HTR1F: variants seen among roughly 807,000 people sequenced by gnomAD.
HTR1F encodes the protein 5-hydroxytryptamine (serotonin) receptor 1F, G protein-coupled.
HTR1F carries 17 observed loss-of-function variants against 24.0 expected under a neutral mutation model. That is an observed-to-expected ratio of 0.71 (90% CI 0.48 to 1.06). HTR1F has a LOEUF of 1.06. Ranked by LOEUF, HTR1F falls within the 50% of genes least tolerant of loss-of-function variation. HTR1F has a pLI of 0.00. For synonymous variants in HTR1F, 186 were observed against 156.8 expected (o/e 1.19, Z -1.39); for missense variants, 391 against 427.8 (o/e 0.91, Z 0.76).
chr3:87,865,119 A>G (rs1329762974), intron 2 of HTR1F, among the ~76,000 whole-genome samples: 1 of 152,106 alleles, frequency 6.6e-6, no homozygotes, highest in Non-Finnish European at 1.5e-5. Context: ...TTAGTCATAC[A>G]GAAGCCTTGA....
At chr3:87,957,506 T>C (rs1479712722) in intron 2 of HTR1F, among the ~76,000 whole-genome samples, 1 of 151,508 alleles carries the variant, frequency 6.6e-6, no homozygotes, top group South Asian at 2.1e-4. Context: ...TTCTATTTAC[T>C]CAAGGCATTT....
At chr3:87,990,586 T>C in intron 2 of HTR1F, 122 bp from the exon 3 acceptor site, 1 of 546,818 alleles carries the variant, frequency 1.8e-6, no homozygotes, top group South Asian at 3.2e-5. Context: ...CTGAACCTCA[T>C]TTTTTTAATC....
At chr3:87,808,237 C>T (rs1704104776) in intron 1 of HTR1F, among the ~76,000 whole-genome samples, 1 of 151,892 alleles carries the variant, frequency 6.6e-6, no homozygotes, top group South Asian at 2.1e-4. Flanking sequence ...GCAGTGAAAC[C>T]ATTAGGTCCT....
At chr3:87,828,696 C>T (rs536230747) in intron 2 of HTR1F, among the ~76,000 whole-genome samples, 1 of 152,230 alleles carries the variant, frequency 6.6e-6, no homozygotes, top group African/African-American at 2.4e-5. Flanking sequence ...TTTTAAATGA[C>T]ATATATCTTC....
intron 2 of HTR1F, among the ~76,000 whole-genome samples, chr3:87,849,563 A>G (rs375249522): frequency 6.6e-6 from 1 of 151,848 alleles, no homozygotes; most frequent in Non-Finnish European, 1.5e-5. Flanking sequence ...GACTTCATGT[A>G]TAAAACACCA....
At chr3:87,862,368 C>T (rs1705335974) in intron 2 of HTR1F, among the ~76,000 whole-genome samples, 1 of 152,146 alleles carries the variant, frequency 6.6e-6, no homozygotes. Context: ...AACAATCCAC[C>T]CTCTGGGATC....
chr3:87,836,383 TG>T (rs1252987564), intron 2 of HTR1F, among the ~76,000 whole-genome samples: 12 of 152,216 alleles, frequency 7.9e-5, no homozygotes, highest in African/African-American at 2.9e-4. Flanking sequence ...CATATAATAA[TG>T]TGTCCTAGTA....
chr3:87,795,483 CTCT>C (rs1703888630), intron 1 of HTR1F, among the ~76,000 whole-genome samples: 1 of 152,110 alleles, frequency 6.6e-6, no homozygotes, highest in Non-Finnish European at 1.5e-5. Context: ...TGGCAGGATT[CTCT>C]TTTTTTTCCA....
chr3:87,889,245 C>T (rs112458147), intron 2 of HTR1F, among the ~76,000 whole-genome samples: 1 of 152,078 alleles, frequency 6.6e-6, no homozygotes, highest in Non-Finnish European at 1.5e-5. Context: ...GTTAAATAAA[C>T]CTCTCTTATT....
chr3:87,880,682 A>G (rs1389722095), intron 2 of HTR1F, among the ~76,000 whole-genome samples: 1 of 149,200 alleles, frequency 6.7e-6, no homozygotes, highest in African/African-American at 2.5e-5. Flanking sequence ...GTGTGTATTG[A>G]TGAGTATGTC....
chr3:87,894,841 A>T (rs1402160931), intron 2 of HTR1F, among the ~76,000 whole-genome samples: 1 of 152,094 alleles, frequency 6.6e-6, no homozygotes, highest in East Asian at 1.9e-4. Flanking sequence ...GAGAAAAGCC[A>T]CTAGCAAATA....
chr3:87,873,474 A>C (rs1705604764), intron 2 of HTR1F, among the ~76,000 whole-genome samples: 1 of 152,164 alleles, frequency 6.6e-6, no homozygotes, highest in African/African-American at 2.4e-5. Flanking sequence ...TCTATTCAAG[A>C]TATAATGTAT....
In HTR1F at chr3:87,976,677, T is replaced by C. The variant is rs545618325; in HGVS notation, c.-42-14031T>C. ...GCTATTGTCACCCCTGATTTTGAGA[T>C]AGACCTTGTCCAACCCAATATTTTT... On this transcript the variant is annotated intron_variant, in intron 2 of 2. Transcript: ENST00000319595. Among the ~76,000 whole-genome samples, 30 of 152,380 alleles carry C rather than the reference T, an allele frequency of 2.0e-4. No homozygotes were observed. The East Asian group carries it at 3.5e-3, about 18-fold the overall frequency.
At chr3:87,961,054 A>G (rs1348494462) in intron 2 of HTR1F, among the ~76,000 whole-genome samples, 1 of 151,968 alleles carries the variant, frequency 6.6e-6, no homozygotes, top group Non-Finnish European at 1.5e-5. Context: ...CAAATAAAGT[A>G]GGGAAAAGCA....
intron 2 of HTR1F, among the ~76,000 whole-genome samples, chr3:87,843,263 C>A (rs553103151): frequency 1.3e-5 from 2 of 151,994 alleles, no homozygotes; most frequent in South Asian, 4.2e-4. Context: ...ATTATTTTAA[C>A]TGTATTTTAG....
chr3:87,923,122 T>A (rs182310141), intron 2 of HTR1F, among the ~76,000 whole-genome samples: 90 of 152,232 alleles, frequency 5.9e-4, no homozygotes, highest in Admixed American at 2.0e-3. Context: ...CATTGGTCTA[T>A]GTATCTTTTA....
At chr3:87,859,091 G>T (rs528585905) in intron 2 of HTR1F, among the ~76,000 whole-genome samples, 1 of 152,158 alleles carries the variant, frequency 6.6e-6, no homozygotes, top group African/African-American at 2.4e-5. Context: ...CAGCCTACTT[G>T]GGAGGCTGAG....
intron 2 of HTR1F, among the ~76,000 whole-genome samples, chr3:87,906,007 G>C (rs991441578): frequency 6.6e-6 from 1 of 152,064 alleles, no homozygotes; most frequent in Non-Finnish European, 1.5e-5. Context: ...TCTTGACCTG[G>C]ATGATTGTTA....
intron 2 of HTR1F, among the ~76,000 whole-genome samples, chr3:87,926,833 C>G (rs771752193): frequency 1.3e-5 from 2 of 152,102 alleles, no homozygotes; most frequent in Non-Finnish European, 2.9e-5. Context: ...GCAATCAGGA[C>G]GACACGGTGA....
Sources: gnomAD v4.1 joint callset for allele counts (sites outside exome capture counted in the v4.1 genomes callset) on GRCh38, gnomAD v4.1.1 for gene constraint, MANE v1.5 for transcripts, NCBI Gene and HGNC (gene_info 2026-07-23, HGNC 2026-07-21) for gene names.